Variants in SYNJ2 observed in about 807,000 individuals in gnomAD.
SYNJ2 encodes polyphosphatidylinositol phosphatase SYNJ2.
Under a neutral mutation model 141.3 loss-of-function variants are expected in SYNJ2, and 116 were observed. The observed-to-expected ratio is 0.82, with a 90% CI of 0.71 to 0.96. The LOEUF is 0.96. Ranked by LOEUF, SYNJ2 falls within the 40% of genes least tolerant of loss-of-function variation. The probability of loss-of-function intolerance (pLI) is 0.00; values close to 1 mark genes in which losing one functional copy is unlikely to be tolerated. For synonymous variants in SYNJ2, 745 were observed against 777.7 expected (o/e 0.96, Z 0.70); for missense variants, 1,873 against 1,934.8 (o/e 0.97, Z 0.60).
chr6:157,993,067 C>T (rs1408644007), intron 1 of SYNJ2, among the ~76,000 whole-genome samples: 1 of 152,168 alleles, frequency 6.6e-6, no homozygotes, highest in African/African-American at 2.4e-5. Context: ...TAGTACATAA[C>T]ATATATAACA....
chr6:157,986,444 C>T (rs1240393687), intron 1 of SYNJ2, among the ~76,000 whole-genome samples: 1 of 152,208 alleles, frequency 6.6e-6, no homozygotes, highest in Non-Finnish European at 1.5e-5. Context: ...AGGGATTCTC[C>T]TGCCTCAGCC....
intron 5 of SYNJ2, among the ~76,000 whole-genome samples, chr6:158,052,735 G>A (rs1312223552): frequency 6.6e-6 from 1 of 152,220 alleles, no homozygotes; most frequent in Non-Finnish European, 1.5e-5. Context: ...CAACACTGGA[G>A]GTCACGTTTT....
Position 158,083,948 on chromosome 6 carries a change from G to GT in SYNJ2, c.3035-53_3035-52insT, listed in dbSNP as rs1583496889. ...ACCAGTCCCACTGATGGAAGACTGA[G>GT]CCTTTCCCCCTCATTGTTTTCACCC... On this transcript the variant is annotated intron_variant, in intron 21 of 26. Coordinates refer to ENST00000355585, the MANE Select transcript of SYNJ2 (RefSeq NM_003898.4). 5.8e-5 allele frequency: 92 copies of GT among 1,590,810 alleles called. No individual in the cohort carries two copies. In the East Asian group the frequency reaches 2.0e-3, roughly 35 times the overall value.
chr6:158,064,721 G>A lies in SYNJ2; in HGVS notation c.1330G>A (p.Gly444Ser). 3 of 1,614,016 alleles carry A rather than the reference G, an allele frequency of 1.9e-6. No individual in the cohort carries two copies. Among genetic ancestry groups the A allele is most frequent in the South Asian group, 1.1e-5 (1 of 91,084 alleles). The change falls in exon 10 of 27, where the codon GGC (glycine) becomes AGC (serine). Residue 444 changes from glycine to serine, a missense_variant. By Grantham distance (56) the Gly-to-Ser change is moderately conservative (BLOSUM62 0). Coordinates refer to ENST00000355585, the MANE Select transcript of SYNJ2 (RefSeq NM_003898.4). ...NGHSLSKVFT[G>S]SRALEGKAKV... ...CCACAGCCTGAGCAAGGTGTTCACA[G>A]GCAGCAGAGCCCTGGAAGGGAAGGC...
chr6:157,989,044 A>G (rs907667535), intron 1 of SYNJ2, among the ~76,000 whole-genome samples: 1 of 152,232 alleles, frequency 6.6e-6, no homozygotes, highest in African/African-American at 2.4e-5. Flanking sequence ...AGACAGGTGA[A>G]TGAAAACCGG....
At position 157,995,725 on chromosome 6, in the gene SYNJ2, C is replaced by T. The variant is rs559703199; in HGVS notation, c.127+13637C>T. ...AAGAGTGGGAAAATGTTGACACCTC[C>T]GTGAGCCGGGTGACAAGCTGCTTGG... On this transcript the variant is annotated intron_variant, in intron 1 of 26. Coordinates refer to ENST00000355585, the MANE Select transcript of SYNJ2 (RefSeq NM_003898.4). 2.4e-4 allele frequency among the ~76,000 whole-genome samples: 36 copies of T among 152,300 alleles called. No homozygotes were observed. In the South Asian group the frequency reaches 6.6e-3, roughly 28 times the overall value.
chr6:158,069,815 AC>A, intron 14 of SYNJ2, 142 bp downstream of exon 14: 3 of 1,093,182 alleles, frequency 2.7e-6, no homozygotes, highest in Non-Finnish European at 3.7e-6. Context: ...ATGTAGCAAA[AC>A]CCCCTAGGAA....
chr6:158,078,318 T>C, intron 18 of SYNJ2, 37 bp downstream of exon 18: 1 of 1,439,560 alleles, frequency 6.9e-7, no homozygotes, highest in Non-Finnish European at 9.8e-7. Flanking sequence ...TCTCCTGTGC[T>C]GGGCAAGGCA....
At chr6:158,061,877 A>G in intron 7 of SYNJ2, 115 bp from the exon 8 acceptor site, 3 of 1,054,510 alleles carry the variant, frequency 2.8e-6, no homozygotes, top group Non-Finnish European at 1.4e-6. Flanking sequence ...CAGCTAAAGC[A>G]CGTCCTGCGG....
chr6:158,082,059 G>A lies in SYNJ2; in HGVS notation c.2865+549G>A, dbSNP rs111806600. ...CGGCTCTAGCTACTTGCAAAATAGG[G>A]CGGAAGGGTGGGCGCAGTGGCTTAT... is the stretch of plus-strand genomic sequence containing the variant. On this transcript the variant is annotated intron_variant, in intron 20 of 26. Transcript: ENST00000355585. 3.9e-5 allele frequency among the ~76,000 whole-genome samples: 6 copies of A among 152,240 alleles called. 1 individual carries two copies. The highest frequency in any genetic ancestry group is 1.2e-4 in the African/African-American group (5 of 41,546).
At position 158,071,480 on chromosome 6, in the gene SYNJ2, T is replaced by C; in HGVS notation, c.1941-122T>C. 1 of 1,154,772 alleles carries C rather than the reference T, an allele frequency of 8.7e-7. No homozygotes were observed. The highest frequency in any genetic ancestry group is 1.2e-6 in the Non-Finnish European group (1 of 828,152). The allele number at this position is 1,154,772 out of a possible 1,614,324, so 71.5% of individuals were successfully genotyped here. ...GGCCACGGTGGCCACTGTGTTGAGC[T>C]GATGATTTTGGAGCACTCAGAGCAG... is the stretch of plus-strand genomic sequence containing the variant. On this transcript the variant is annotated intron_variant, in intron 14 of 26. Transcript: ENST00000355585. This position sits in a 1 kb window ranked among gnomAD's most constrained non-coding sequence, Gnocchi z 4.3.
intron 1 of SYNJ2, among the ~76,000 whole-genome samples, chr6:158,005,506 C>A (rs1233652402): frequency 6.6e-6 from 1 of 152,056 alleles, no homozygotes; most frequent in Admixed American, 6.5e-5. Context: ...TCACCCTCCC[C>A]ACCCGCCCTT....
chr6:158,094,281 G>GT (rs1783660541), intron 26 of SYNJ2, among the ~76,000 whole-genome samples: 1 of 150,598 alleles, frequency 6.6e-6, no homozygotes, highest in Non-Finnish European at 1.5e-5. Flanking sequence ...TAAACCCATC[G>GT]TAAGTTGAAA....
At chr6:158,020,150 G>A (rs1778681510) in intron 2 of SYNJ2, among the ~76,000 whole-genome samples, 3 of 140,690 alleles carry the variant, frequency 2.1e-5, no homozygotes, top group African/African-American at 8.6e-5. Flanking sequence ...CTCCAACTGT[G>A]ACTCCATCTG....
In SYNJ2 at chr6:158,094,855, A is replaced by G. The variant is rs926287133; in HGVS notation, c.3745-763A>G. Among the ~76,000 whole-genome samples the G allele has an allele frequency of 3.9e-5, 6 of 152,222 alleles. No individual in the cohort carries two copies. In the South Asian group the frequency reaches 1.2e-3, roughly 32 times the overall value. On this transcript the variant is annotated intron_variant, in intron 26 of 26. Transcript: ENST00000355585. ...ATTCTTTACCAATATTTAAGTATAA[A>G]AGATTCAAGGAGCTGGGCGCGGTGG... is the stretch of plus-strand genomic sequence containing the variant.
At chr6:158,049,313 C>T (rs944770475) in intron 5 of SYNJ2, among the ~76,000 whole-genome samples, 15 of 152,210 alleles carry the variant, frequency 9.9e-5, no homozygotes, top group African/African-American at 2.9e-4. Context: ...AGCTGCAGCT[C>T]GTGCCTGTGG....
Position 158,061,981 on chromosome 6 carries a change from C to T in SYNJ2, c.955-11C>T, listed in dbSNP as rs1273811841. 1 of 1,613,124 alleles carries T rather than the reference C, an allele frequency of 6.2e-7. No homozygotes were observed. The highest frequency in any genetic ancestry group is 1.7e-5 in the Admixed American group (1 of 60,012). The stretch of plus-strand genomic sequence containing the variant: ...TCTGCTCCCCTCACCGCCCTCCCCT[C>T]CTCTTTTCAGAAGCTGCTCTGGGCT... On this transcript the variant is annotated splice_polypyrimidine_tract_variant and intron_variant, in intron 7 of 26. Coordinates refer to ENST00000355585, the MANE Select transcript of SYNJ2 (RefSeq NM_003898.4).
chr6:157,990,547 T>G (rs936222637), intron 1 of SYNJ2, among the ~76,000 whole-genome samples: 3 of 152,204 alleles, frequency 2.0e-5, no homozygotes, highest in Non-Finnish European at 4.4e-5. Context: ...AATTCTCTCC[T>G]GGCTCTGGCG....
intron 15 of SYNJ2, 23 bp from the exon 16 acceptor site, chr6:158,074,557 T>G: frequency 6.2e-7 from 1 of 1,606,132 alleles, no homozygotes; most frequent in Non-Finnish European, 8.5e-7. Context: ...GGCTGAATGA[T>G]TATGATTTTC....
Sources: gnomAD v4.1 joint callset for allele counts (sites outside exome capture counted in the v4.1 genomes callset) on GRCh38, gnomAD v4.1.1 for gene constraint, Gnocchi (gnomAD v3.1) non-coding constraint, MANE v1.5 for transcripts, NCBI Gene and HGNC (gene_info 2026-07-23, HGNC 2026-07-21) for gene names.